GRIK2: variants seen among roughly 807,000 people sequenced by gnomAD.
GRIK2 encodes glutamate ionotropic receptor kainate type subunit 2, also known as glutamate receptor ionotropic, kainate 2.
Under a neutral mutation model 100.3 loss-of-function variants are expected in GRIK2, and 32 were observed. That is an observed-to-expected ratio of 0.32 (90% confidence interval 0.24 to 0.43). The LOEUF (loss-of-function observed/expected upper bound fraction) is 0.43. GRIK2 is among the 20% of genes least tolerant of loss of function. The pLI is 1.00. For synonymous variants in GRIK2, 417 were observed against 389.4 expected (o/e 1.07, Z -0.83); for missense variants, 843 against 1,114.9 (o/e 0.76, Z 3.47).
chr6:101,619,211 T>C (rs918637193), intron 2 of GRIK2, among the ~76,000 whole-genome samples: 1 of 151,470 alleles, frequency 6.6e-6, no homozygotes, highest in Non-Finnish European at 1.5e-5. Context: ...TTTATCTCTT[T>C]TCTTTAGTTA....
At chr6:101,900,167 A>G (rs1277538868) in intron 12 of GRIK2, among the ~76,000 whole-genome samples, 1 of 152,166 alleles carries the variant, frequency 6.6e-6, no homozygotes, top group Non-Finnish European at 1.5e-5. Context: ...TAAGAATTTA[A>G]ACATATTTAT....
At chr6:101,400,990 A>C (rs1391160097) in intron 2 of GRIK2, among the ~76,000 whole-genome samples, 1 of 152,162 alleles carries the variant, frequency 6.6e-6, no homozygotes, top group Non-Finnish European at 1.5e-5. Context: ...GTGTGTACGC[A>C]CACGCGTGTG....
chr6:101,787,900 G>C (rs887593410), intron 7 of GRIK2, among the ~76,000 whole-genome samples: 6 of 152,054 alleles, frequency 3.9e-5, no homozygotes, highest in Admixed American at 3.9e-4. Flanking sequence ...GGATATTAAA[G>C]TCCTTAACTA....
chr6:101,549,589 T>A (rs761074351), intron 2 of GRIK2, among the ~76,000 whole-genome samples: 14 of 152,102 alleles, frequency 9.2e-5, no homozygotes, highest in Non-Finnish European at 1.3e-4. Flanking sequence ...ATGCAGCAAT[T>A]TTTTTCTTTT....
intron 14 of GRIK2, among the ~76,000 whole-genome samples, chr6:101,939,663 T>C (rs894018390): frequency 6.6e-6 from 1 of 152,166 alleles, no homozygotes; most frequent in Admixed American, 6.6e-5. Context: ...AAACGGATTT[T>C]ATTATTTTAG....
chr6:101,552,988 A>G (rs1776580868), intron 2 of GRIK2, among the ~76,000 whole-genome samples: 1 of 152,338 alleles, frequency 6.6e-6, no homozygotes, highest in South Asian at 2.1e-4. Flanking sequence ...GAAAATGTAC[A>G]TGACCATATT....
At chr6:101,710,997 A>G (rs1019415886) in intron 7 of GRIK2, among the ~76,000 whole-genome samples, 3 of 151,788 alleles carry the variant, frequency 2.0e-5, no homozygotes, top group Non-Finnish European at 4.4e-5. Context: ...TCAGTGGATG[A>G]AACCTTGCTG....
At chr6:101,712,002 C>T (rs1487154544) in intron 7 of GRIK2, among the ~76,000 whole-genome samples, 2 of 151,730 alleles carry the variant, frequency 1.3e-5, no homozygotes, top group African/African-American at 4.8e-5. Context: ...CTTCCTTCAA[C>T]TGGTAAAATA....
chr6:101,532,204 G>C lies in GRIK2; in HGVS notation c.116-89745G>C, dbSNP rs528507414. On this transcript the variant is annotated intron_variant, in intron 2 of 16. Transcript: ENST00000369134. ...CACAGCTCCTCAAACACTCCATGCT[G>C]TTTTGAAGCTGGTTACTTCCTTTCT... Among the ~76,000 whole-genome samples the C allele has an allele frequency of 5.9e-5, 9 of 151,922 alleles. No individual in the cohort carries two copies. In the South Asian group the frequency reaches 1.9e-3, roughly 32 times the overall value.
At chr6:102,049,640 T>C (rs1224464651) in intron 15 of GRIK2, among the ~76,000 whole-genome samples, 2 of 152,144 alleles carry the variant, frequency 1.3e-5, no homozygotes, top group Admixed American at 6.5e-5. Flanking sequence ...CAAGTAATCC[T>C]TTACAAATCA....
chr6:101,913,805 A>T (rs570551391), intron 12 of GRIK2, among the ~76,000 whole-genome samples: 1 of 151,722 alleles, frequency 6.6e-6, no homozygotes, highest in East Asian at 1.9e-4. Flanking sequence ...AGTGTCATGT[A>T]TGAGATATTT....
intron 14 of GRIK2, among the ~76,000 whole-genome samples, chr6:101,943,947 C>T (rs1791113181): frequency 6.6e-6 from 1 of 152,108 alleles, no homozygotes; most frequent in Non-Finnish European, 1.5e-5. Context: ...TGGTTTGGCT[C>T]TGTGTCCCTA....
chr6:101,924,197 A>AT (rs1789740973), intron 12 of GRIK2, among the ~76,000 whole-genome samples: 1 of 152,034 alleles, frequency 6.6e-6, no homozygotes, highest in African/African-American at 2.4e-5. Flanking sequence ...ATGATTTTAT[A>AT]TTTTTTTCTG....
At chr6:101,669,011 T>A (rs1207350202) in intron 4 of GRIK2, among the ~76,000 whole-genome samples, 2 of 151,940 alleles carry the variant, frequency 1.3e-5, no homozygotes, top group Admixed American at 6.6e-5. Context: ...TAAAAAAAAA[T>A]AACAGTACTG....
chr6:101,797,554 C>A (rs1284915314), intron 7 of GRIK2, among the ~76,000 whole-genome samples: 2 of 148,858 alleles, frequency 1.3e-5, no homozygotes, highest in East Asian at 3.9e-4. Context: ...TTTAGATATT[C>A]TATTTAATTT....
intron 7 of GRIK2, among the ~76,000 whole-genome samples, chr6:101,764,875 C>T (rs1009279520): frequency 6.6e-6 from 1 of 152,048 alleles, no homozygotes; most frequent in Non-Finnish European, 1.5e-5. Context: ...AAAATCTACG[C>T]TCCTAGCCAT....
At chr6:101,927,471 C>A (rs947221701) in intron 13 of GRIK2, 1 of 152,634 alleles carries the variant, frequency 6.6e-6, no homozygotes, top group Non-Finnish European at 1.5e-5. Flanking sequence ...ATTTAGTATA[C>A]CTTACTTATA....
intron 2 of GRIK2, among the ~76,000 whole-genome samples, chr6:101,511,090 C>G (rs540857810): frequency 4.3e-4 from 66 of 152,246 alleles, no homozygotes; most frequent in African/African-American, 1.5e-3. Context: ...GGAAGTTGCT[C>G]TAGCACCAGG....
rs77394387 is a variant in GRIK2 at position 101,652,440 on chromosome 6, G to C, written c.542-24183G>C. On this transcript the variant is annotated intron_variant, in intron 4 of 16. Transcript: ENST00000369134. Reference sequence around the variant, plus strand: ...CAAACTTTCAGCCTCTAGAACTGTAGGAAATATCTGTTGTGTATAAGCCAT... The same window carrying C: ...CAAACTTTCAGCCTCTAGAACTGTACGAAATATCTGTTGTGTATAAGCCAT... Among the ~76,000 whole-genome samples the C allele has an allele frequency of 4.8e-3, 730 of 152,174 alleles. 5 individuals are homozygous for C. Among genetic ancestry groups the C allele is most frequent in the African/African-American group, 0.016 (676 of 41,526 alleles).
Sources: gnomAD v4.1 joint callset for allele counts (sites outside exome capture counted in the v4.1 genomes callset) on GRCh38, gnomAD v4.1.1 for gene constraint, MANE v1.5 for transcripts, NCBI Gene and HGNC (gene_info 2026-07-23, HGNC 2026-07-21) for gene names.